The following ADAMTS3 variants were observed in gnomAD, a reference collection of about 807,000 sequenced individuals.
ADAMTS3 encodes ADAM metallopeptidase with thrombospondin type 1 motif 3.
In ADAMTS3, 73 loss-of-function variants were observed where a neutral mutation model predicts 129.0. The ratio of observed to expected loss-of-function variants is 0.57; its 90% CI spans 0.47 to 0.69. ADAMTS3 has a LOEUF of 0.69. Ranked by LOEUF, ADAMTS3 falls within the 30% of genes least tolerant of loss-of-function variation. The probability of loss-of-function intolerance (pLI) is 0.00; values close to 1 mark genes in which losing one functional copy is unlikely to be tolerated. For synonymous variants in ADAMTS3, 477 were observed against 510.8 expected, an observed-to-expected ratio of 0.93 and a Z score of 0.89; for missense variants, 1,457 against 1,514.5, an observed-to-expected ratio of 0.96 and a Z score of 0.63.
At chr4:72,305,401 G>A (rs1051396357) in intron 16 of ADAMTS3, among the ~76,000 whole-genome samples, 4 of 151,936 alleles carry the variant, frequency 2.6e-5, no homozygotes, top group South Asian at 2.1e-4. Flanking sequence ...ATAAGGATAC[G>A]TACAGTATTG....
chr4:72,303,436 T>C (rs536925624), intron 17 of ADAMTS3, among the ~76,000 whole-genome samples: 6 of 152,110 alleles, frequency 3.9e-5, no homozygotes, highest in Non-Finnish European at 8.8e-5. Context: ...TCAAATTCTA[T>C]ATCTAGTAAA....
chr4:72,498,398 A>C (rs1231596850), intron 3 of ADAMTS3, among the ~76,000 whole-genome samples: 2 of 152,164 alleles, frequency 1.3e-5, no homozygotes, highest in South Asian at 2.1e-4. Context: ...ATTGAGAGTA[A>C]TAGAAGTCAT....
intron 2 of ADAMTS3, among the ~76,000 whole-genome samples, chr4:72,559,730 G>T (rs1721854662): frequency 6.6e-6 from 1 of 151,878 alleles, no homozygotes; most frequent in African/African-American, 2.4e-5. Context: ...TTTTATGAAT[G>T]CTATGAAGTA....
intron 4 of ADAMTS3, among the ~76,000 whole-genome samples, chr4:72,361,533 A>G (rs1020403301): frequency 6.6e-6 from 1 of 152,078 alleles, no homozygotes; most frequent in African/African-American, 2.4e-5. Flanking sequence ...AGAAGATTTT[A>G]TTTCTGTTTT....
intron 4 of ADAMTS3, among the ~76,000 whole-genome samples, chr4:72,402,526 T>C (rs945941104): frequency 6.6e-6 from 1 of 152,190 alleles, no homozygotes; most frequent in Non-Finnish European, 1.5e-5. Flanking sequence ...CTCTAATAAG[T>C]GCTTTAGTTT....
intron 4 of ADAMTS3, among the ~76,000 whole-genome samples, chr4:72,380,756 G>T (rs1412209568): frequency 6.6e-6 from 1 of 152,082 alleles, no homozygotes; most frequent in Non-Finnish European, 1.5e-5. Flanking sequence ...AGGGCAGAAA[G>T]TGGCAGTCAT....
intron 4 of ADAMTS3, among the ~76,000 whole-genome samples, chr4:72,351,611 A>C (rs186807911): frequency 6.6e-6 from 1 of 151,922 alleles, no homozygotes; most frequent in African/African-American, 2.4e-5. Flanking sequence ...TTTGTTCATT[A>C]AAAGCTATAT....
At chr4:72,312,232 A>C in intron 13 of ADAMTS3, 59 bp downstream of exon 13, 1 of 1,593,830 alleles carries the variant, frequency 6.3e-7, no homozygotes, top group Admixed American at 1.7e-5. Context: ...TCGTGCTGGC[A>C]AAGCTTAAAC....
chr4:72,294,831 T>C (rs1024109844), intron 19 of ADAMTS3, among the ~76,000 whole-genome samples: 14 of 152,040 alleles, frequency 9.2e-5, no homozygotes, highest in South Asian at 6.2e-4. Context: ...TGATATATTA[T>C]AGTTTGGAGT....
rs537346855 is a variant in ADAMTS3 at position 72,364,241 on chromosome 4, G to A, written c.662-24548C>T. ...ACAAACACACAAAGAGAGAAAAAAC[G>A]ACAATAGAAGGACATACACTAAAAA... On this transcript the variant is annotated intron_variant, in intron 4 of 21. Transcript: ENST00000286657. Among the ~76,000 whole-genome samples, 39 of 152,014 alleles carry A rather than the reference G, an allele frequency of 2.6e-4. 1 individual carries two copies. The South Asian group carries it at 6.2e-3, about 24-fold the overall frequency.
chr4:72,435,512 C>A (rs1489803721), intron 3 of ADAMTS3, among the ~76,000 whole-genome samples: 3 of 151,720 alleles, frequency 2.0e-5, no homozygotes, highest in African/African-American at 7.3e-5. Context: ...TCAATTCAAC[C>A]ACAGCAAATT....
At position 72,319,381 on chromosome 4, in the gene ADAMTS3, G is replaced by A. The variant is rs770164063; in HGVS notation, c.1303C>T (p.Arg435Cys). 21 of 1,613,864 alleles carry A rather than the reference G, an allele frequency of 1.3e-5. No individual in the cohort carries two copies. In the Middle Eastern group the frequency reaches 5.0e-4, roughly 38 times the overall value. Residue 435 changes from arginine to cysteine, a missense_variant, in exon 9 of 22, where the codon CGT becomes TGT. Physicochemically the swap from Arg to Cys is radical, Grantham distance 180 (BLOSUM62 -3). Transcript: ENST00000286657. ...CCACTGCATCGGGACCAGTGGTAAC[G>A]ATGGAATGCTGCTTGTACCAAGGGA... The part of the protein sequence containing the change: ...MAPLVQAAFH[R>C]YHWSRCSGQE...
At chr4:72,306,961 C>T in intron 15 of ADAMTS3, among the ~76,000 whole-genome samples, 1 of 151,748 alleles carries the variant, frequency 6.6e-6, no homozygotes, top group East Asian at 1.9e-4. Context: ...TGACAATAGT[C>T]AGGTCAATTA....
chr4:72,346,786 C>T (rs1270016584), intron 4 of ADAMTS3, among the ~76,000 whole-genome samples: 1 of 152,018 alleles, frequency 6.6e-6, no homozygotes, highest in East Asian at 1.9e-4. Flanking sequence ...AATCCAGCGA[C>T]TCTAGGTGTG....
chr4:72,451,393 C>T lies in ADAMTS3; in HGVS notation c.505-36422G>A, dbSNP rs116113740. ...TGAGGTCATTTCTTACTAGAAGATT[C>T]CAAAATGGAAGCAAACCATGAGTAT... On this transcript the variant is annotated intron_variant, in intron 3 of 21. Coordinates refer to ENST00000286657, the MANE Select transcript of ADAMTS3 (RefSeq NM_014243.3). 6.5e-3 allele frequency among the ~76,000 whole-genome samples: 988 copies of T among 151,790 alleles called. 6 individuals are homozygous for T. The highest frequency in any genetic ancestry group is 0.023 in the African/African-American group (940 of 41,466).
At chr4:72,363,784 A>T (rs185943484) in intron 4 of ADAMTS3, among the ~76,000 whole-genome samples, 1 of 152,290 alleles carries the variant, frequency 6.6e-6, no homozygotes, top group East Asian at 1.9e-4. Context: ...AAGAAAAAAA[A>T]ATGAAGCCAG....
chr4:72,400,057 TAC>T (rs1721856858), intron 4 of ADAMTS3, among the ~76,000 whole-genome samples: 1 of 16,214 alleles, frequency 6.2e-5, no homozygotes, highest in Admixed American at 7.2e-4. Flanking sequence ...GGTGTGTATA[TAC>T]GTGTGTATAT....
intron 3 of ADAMTS3, among the ~76,000 whole-genome samples, chr4:72,542,264 A>T (rs1041042567): frequency 5.9e-5 from 9 of 152,130 alleles, no homozygotes; most frequent in Non-Finnish European, 1.2e-4. Flanking sequence ...TCCCAGGTTT[A>T]TGCCATTCTC....
chr4:72,403,772 C>A lies in ADAMTS3; in HGVS notation c.661+11043G>T, dbSNP rs565705480. ...CTCCTAACAAGAGTCCTTTCAGCAA[C>A]CCTTGAACACATAGGGTTTCTGCAA... On this transcript the variant is annotated intron_variant, in intron 4 of 21. Coordinates refer to ENST00000286657, the MANE Select transcript of ADAMTS3 (RefSeq NM_014243.3). 4.6e-5 allele frequency among the ~76,000 whole-genome samples: 7 copies of A among 152,144 alleles called. No homozygotes were observed. In the East Asian group the frequency reaches 1.3e-3, roughly 29 times the overall value.
Sources: allele counts gnomAD v4.1 joint callset (sites outside exome capture counted in the v4.1 genomes callset), GRCh38; gene constraint gnomAD v4.1.1; transcripts MANE v1.5; gene names NCBI Gene and HGNC (gene_info 2026-07-23, HGNC 2026-07-21).